ACAP2: variants seen among roughly 807,000 people sequenced by gnomAD.
The protein encoded by ACAP2 is ArfGAP with coiled-coil, ankyrin repeat and PH domains 2.
A neutral mutation model predicts 115.8 loss-of-function variants in ACAP2; 39 were observed. That is an observed-to-expected ratio of 0.34 (90% CI 0.26 to 0.44). The LOEUF (loss-of-function observed/expected upper bound fraction) is 0.44. ACAP2 is among the 20% of genes least tolerant of loss of function. The pLI is 1.00. For synonymous variants in ACAP2, 289 were observed against 315.8 expected (o/e 0.92, Z 0.90); for missense variants, 662 against 927.6 (o/e 0.71, Z 3.72).
intron 2 of ACAP2, among the ~76,000 whole-genome samples, chr3:195,388,444 T>G (rs1303400512): frequency 2.6e-5 from 4 of 152,176 alleles, no homozygotes; most frequent in African/African-American, 9.7e-5. Context: ...ATGCCACTCA[T>G]AAAGCCTTAT....
intron 1 of ACAP2, among the ~76,000 whole-genome samples, chr3:195,437,885 C>CTTTTTTT (rs1186712431): frequency 2.2e-5 from 2 of 90,746 alleles, no homozygotes; most frequent in African/African-American, 4.3e-5. Context: ...ACTTTACATG[C>CTTTTTTT]TTTTTTTTTT....
At chr3:195,307,929 T>C (rs1327187767) in intron 11 of ACAP2, among the ~76,000 whole-genome samples, 2 of 152,160 alleles carry the variant, frequency 1.3e-5, no homozygotes, top group East Asian at 1.9e-4. Context: ...ATCTCAAGAG[T>C]AGAGATTTGA....
In ACAP2 at chr3:195,381,925, G is replaced by C; in HGVS notation, c.209C>G (p.Ser70Cys). The change falls in exon 3 of 23, where the codon TCT (serine) becomes TGT (cysteine). Residue 70 changes from serine to cysteine, a missense_variant. Transcript: ENST00000326793. ...MNGIRDLAQY[S>C]SNDAVVETSL... ...AACCTCAACGACAGCATCATTACTA[G>C]AATACTGAGCCAGGTCTCGAATCCC... is the stretch of plus-strand genomic sequence containing the variant. 2.5e-6 allele frequency: 4 copies of C among 1,607,222 alleles called. No homozygotes were observed. The highest frequency in any genetic ancestry group is 1.7e-4 in the Middle Eastern group (1 of 6,050).
At chr3:195,396,316 T>C (rs907981970) in intron 1 of ACAP2, among the ~76,000 whole-genome samples, 8 of 149,348 alleles carry the variant, frequency 5.4e-5, no homozygotes, top group Non-Finnish European at 1.2e-4. Flanking sequence ...CACCAAGACA[T>C]GGCTATGAAA....
intron 10 of ACAP2, among the ~76,000 whole-genome samples, chr3:195,313,914 A>G (rs1258758061): frequency 3.3e-5 from 5 of 152,186 alleles, no homozygotes; most frequent in African/African-American, 7.2e-5. Flanking sequence ...CCCAACAAAG[A>G]AAGATTATTG....
chr3:195,357,588 G>A lies in ACAP2; in HGVS notation c.286-12271C>T, dbSNP rs1322946650. On this transcript the variant is annotated intron_variant, in intron 4 of 22. Coordinates refer to ENST00000326793, the MANE Select transcript of ACAP2 (RefSeq NM_012287.6). The stretch of plus-strand genomic sequence containing the variant: ...AGTCCCAACGATGGCGGCGACAGGA[G>A]TGCTTGTATCACCCCTCTCCAAGCT... 5 of 152,222 alleles carry A rather than the reference G, an allele frequency of 3.3e-5. No individual in the cohort carries two copies. In the East Asian group the frequency reaches 7.7e-4, roughly 23 times the overall value. 9.4% of individuals were successfully genotyped at this position (152,222 alleles called of 1,614,324 possible). A position where few individuals can be genotyped will look rare whatever the true frequency, so the allele number is the denominator to read the frequency against.
Position 195,276,633 on chromosome 3 carries a change from A to G in ACAP2, c.*2695T>C, listed in dbSNP as rs1216599049. 6.6e-6 allele frequency: 1 copy of G among 152,252 alleles called. No homozygotes were observed. The highest frequency in any genetic ancestry group is 1.5e-5 in the Non-Finnish European group (1 of 68,034). The allele number at this position is 152,252 out of a possible 1,614,324, so 9.4% of individuals were successfully genotyped here. ...GGAAAGAAAATAAAAGGCCAATCAC[A>G]TTGACTAATGAAGCCCAAAAGCATG... On this transcript the variant is annotated 3_prime_UTR_variant, in exon 23 of 23. Coordinates refer to ENST00000326793, the MANE Select transcript of ACAP2 (RefSeq NM_012287.6).
At chr3:195,407,988 C>A (rs1712933309) in intron 1 of ACAP2, among the ~76,000 whole-genome samples, 1 of 151,892 alleles carries the variant, frequency 6.6e-6, no homozygotes, top group Non-Finnish European at 1.5e-5. Flanking sequence ...TTACCAATTC[C>A]AGAGAAATAA....
intron 1 of ACAP2, among the ~76,000 whole-genome samples, chr3:195,414,989 G>C (rs774732682): frequency 1.2e-4 from 19 of 152,282 alleles, no homozygotes; most frequent in African/African-American, 1.9e-4. Context: ...AGGGAGGGAT[G>C]AATCAGTAAA....
At chr3:195,372,515 ACT>A (rs1311224769) in intron 4 of ACAP2, among the ~76,000 whole-genome samples, 1 of 151,996 alleles carries the variant, frequency 6.6e-6, no homozygotes, top group Non-Finnish European at 1.5e-5. Flanking sequence ...ACACAGTGAG[ACT>A]CTGTCTCTAA....
Position 195,402,880 on chromosome 3 carries a change from A to G in ACAP2, c.54-10733T>C, listed in dbSNP as rs546853932. On this transcript the variant is annotated intron_variant, in intron 1 of 22. Coordinates refer to ENST00000326793, the MANE Select transcript of ACAP2 (RefSeq NM_012287.6). ...TTTTCTTTAACAACAAACGGCAGCA[A>G]ATGTCTATTGTTTGGAATATAAGAA... 9.8e-5 allele frequency among the ~76,000 whole-genome samples: 15 copies of G among 152,346 alleles called. No homozygotes were observed. In the South Asian group the frequency reaches 2.5e-3, roughly 25 times the overall value.
chr3:195,285,927 C>A, intron 21 of ACAP2, 70 bp from the exon 22 acceptor site: 1 of 1,136,192 alleles, frequency 8.8e-7, no homozygotes, highest in Non-Finnish European at 1.3e-6. Context: ...AGTCTATAAA[C>A]AGGTAATACA....
At chr3:195,333,163 C>T (rs1311336036) in intron 7 of ACAP2, 40 bp from the exon 8 acceptor site, 10 of 1,080,256 alleles carry the variant, frequency 9.3e-6, no homozygotes, top group Non-Finnish European at 1.4e-5. Context: ...AAATCTATTC[C>T]TAGATAGACA....
intron 2 of ACAP2, among the ~76,000 whole-genome samples, chr3:195,385,851 T>C (rs549683573): frequency 4.6e-5 from 7 of 152,312 alleles, no homozygotes; most frequent in South Asian, 2.1e-4. Context: ...AGACTTAAAA[T>C]AGTGGAGAAT....
intron 5 of ACAP2, among the ~76,000 whole-genome samples, chr3:195,343,018 A>G (rs1198714956): frequency 6.6e-6 from 1 of 152,080 alleles, no homozygotes; most frequent in Non-Finnish European, 1.5e-5. Flanking sequence ...AATTAGCAAA[A>G]TAACATTTAG....
chr3:195,439,749 C>T (rs1420526649), intron 1 of ACAP2, among the ~76,000 whole-genome samples: 5 of 151,932 alleles, frequency 3.3e-5, no homozygotes, highest in Non-Finnish European at 5.9e-5. Flanking sequence ...GCCTCAGTCT[C>T]CCAAGTAGCT....
intron 1 of ACAP2, among the ~76,000 whole-genome samples, chr3:195,422,640 A>C (rs897357779): frequency 1.3e-5 from 2 of 149,996 alleles, no homozygotes; most frequent in African/African-American, 4.9e-5. Context: ...CACCTGGCTA[A>C]TTTTTTTTTT....
At chr3:195,339,025 G>C (rs941230039) in intron 6 of ACAP2, among the ~76,000 whole-genome samples, 4 of 152,128 alleles carry the variant, frequency 2.6e-5, no homozygotes, top group African/African-American at 9.7e-5. Context: ...GAGATTAGGA[G>C]TTTGAGATCA....
At chr3:195,435,733 T>G (rs1305667742) in intron 1 of ACAP2, among the ~76,000 whole-genome samples, 3 of 152,192 alleles carry the variant, frequency 2.0e-5, no homozygotes, top group Non-Finnish European at 4.4e-5. Flanking sequence ...TTTCAATACT[T>G]TAAAATTTAT....
Sources: gnomAD v4.1 joint callset for allele counts (sites outside exome capture counted in the v4.1 genomes callset) on GRCh38, gnomAD v4.1.1 for gene constraint, MANE v1.5 for transcripts, NCBI Gene and HGNC (gene_info 2026-07-23, HGNC 2026-07-21) for gene names.